The following COLEC11 variants were observed in gnomAD, a reference collection of about 807,000 sequenced individuals.
The protein encoded by COLEC11 is collectin subfamily member 11, also known as collectin-11.
COLEC11 carries 20 observed loss-of-function variants against 27.3 expected under a neutral mutation model. That is an observed-to-expected ratio of 0.73 (90% CI 0.51 to 1.06). The LOEUF is 1.06. COLEC11 is among the 50% of genes least tolerant of loss of function. The probability of loss-of-function intolerance (pLI) is 0.00; values close to 1 mark genes in which losing one functional copy is unlikely to be tolerated. For missense variants in COLEC11, 310 were observed against 383.0 expected, an observed-to-expected ratio of 0.81 and a Z score of 1.59; for synonymous variants, 163 against 154.7, an observed-to-expected ratio of 1.05 and a Z score of -0.40.
chr2:3,613,161 C>T (rs566235636), intron 2 of COLEC11, 150 bp from the exon 3 acceptor site: 1 of 794,152 alleles, frequency 1.3e-6, no homozygotes, highest in Non-Finnish European at 2.1e-6. Context: ...AGCGGCTGGG[C>T]TGCAGGCGGG....
At chr2:3,614,321 A>G (rs965302613) in intron 3 of COLEC11, among the ~76,000 whole-genome samples, 3 of 152,090 alleles carry the variant, frequency 2.0e-5, no homozygotes, top group South Asian at 2.1e-4. Context: ...CCCCCAACCA[A>G]TCTTTTAACA....
chr2:3,617,497 AGAAGGCAATGCTTGT>A lies in COLEC11; in HGVS notation c.202+4117_202+4131del, dbSNP rs1157478813. On this transcript the variant is annotated intron_variant, in intron 3 of 6. Transcript: ENST00000349077. ...CTAAACAGCTAAAAGAAGTAAAATAAGAAGGCAATGCTTGTGGAATATACAGTGCATATTGGCGGC... is the reference window on the plus strand; with the variant it reads ...CTAAACAGCTAAAAGAAGTAAAATAAGGAATATACAGTGCATATTGGCGGC... 5 of 1,432,968 alleles carry A rather than the reference AGAAGGCAATGCTTGT, an allele frequency of 3.5e-6. No individual in the cohort carries two copies. The African/African-American group carries it at 7.1e-5, about 20-fold the overall frequency. 88.8% of individuals were successfully genotyped at this position (1,432,968 alleles called of 1,614,324 possible).
chr2:3,631,005 G>A (rs1040070219), intron 3 of COLEC11, among the ~76,000 whole-genome samples: 1 of 152,156 alleles, frequency 6.6e-6, no homozygotes, highest in Non-Finnish European at 1.5e-5. Context: ...ACTTTGGGAG[G>A]CCGAGGTGGG....
chr2:3,606,193 TGTG>T (rs1662680683), intron 2 of COLEC11: 5 of 1,550,374 alleles, frequency 3.2e-6, no homozygotes, highest in African/African-American at 1.4e-5. Context: ...CCCTGCCCAA[TGTG>T]GTGGGTGCCT....
chr2:3,643,887 A>G lies in COLEC11; in HGVS notation c.585A>G (p.Gln195=). 6.2e-7 allele frequency: 1 copy of G among 1,613,832 alleles called. No homozygotes were observed. The highest frequency in any genetic ancestry group is 2.2e-5 in the East Asian group (1 of 44,868). The change falls in exon 7 of 7, where the codon CAA becomes CAG. Residue 195 remains glutamine, a synonymous_variant. Transcript: ENST00000349077. ...GCCTGATGGCCGCATACCTGGCGCA[A>G]GCCGGCCTGGCCCGTGTCTTCATCG... ...ANGLMAAYLA[Q]AGLARVFIGI... is the part of the protein sequence containing the mutation.
chr2:3,642,949 G>A (rs868105818), intron 5 of COLEC11, among the ~76,000 whole-genome samples: 1 of 152,162 alleles, frequency 6.6e-6, no homozygotes, highest in Middle Eastern at 3.2e-3. Flanking sequence ...AGGCACCTGA[G>A]TGTTGGCAGA....
intron 2 of COLEC11, among the ~76,000 whole-genome samples, chr2:3,607,044 T>C (rs1375915986): frequency 6.6e-6 from 1 of 152,188 alleles, no homozygotes; most frequent in African/African-American, 2.4e-5. Context: ...CGGGGTGGCA[T>C]CTGGTCTGAG....
At chr2:3,625,351 C>T (rs1664468540) in intron 3 of COLEC11, among the ~76,000 whole-genome samples, 1 of 152,152 alleles carries the variant, frequency 6.6e-6, no homozygotes, top group Non-Finnish European at 1.5e-5. Context: ...ATGTGCAGGA[C>T]AGCGACTGCT....
At chr2:3,625,896 G>A in intron 3 of COLEC11, 1 of 941,370 alleles carries the variant, frequency 1.1e-6, no homozygotes, top group Non-Finnish European at 1.7e-6. Flanking sequence ...GCCTCCCAAA[G>A]TGCCGGGATT....
intron 5 of COLEC11, chr2:3,641,510 A>T: frequency 9.5e-7 from 1 of 1,050,432 alleles, no homozygotes; most frequent in Non-Finnish European, 1.2e-6. Context: ...GCTTGGTCAG[A>T]GTTTGGAGGT....
chr2:3,641,893 A>G (rs557725729), intron 5 of COLEC11, among the ~76,000 whole-genome samples: 12 of 152,282 alleles, frequency 7.9e-5, no homozygotes, highest in Non-Finnish European at 1.6e-4. Context: ...CACCGCAGCG[A>G]TGGGGGTGGA....
chr2:3,621,759 T>C (rs535313369), intron 3 of COLEC11, among the ~76,000 whole-genome samples: 10 of 152,368 alleles, frequency 6.6e-5, no homozygotes, highest in South Asian at 2.1e-4. Flanking sequence ...TTTATAGTTA[T>C]AACAGTCTAT....
chr2:3,619,111 G>A (rs1663993141), intron 3 of COLEC11, among the ~76,000 whole-genome samples: 2 of 152,116 alleles, frequency 1.3e-5, no homozygotes, highest in African/African-American at 4.8e-5. Flanking sequence ...TCTGCAAACA[G>A]AGCCAGCTTT....
intron 2 of COLEC11, among the ~76,000 whole-genome samples, chr2:3,609,306 GTC>G (rs61145252): frequency 0.69 from 103,772 of 149,724 alleles, 36,477 homozygotes; most frequent in South Asian, 0.89. Context: ...GCTTTTCAGG[GTC>G]TCTTTCCGTG....
At chr2:3,607,810 A>G (rs1662850668) in intron 2 of COLEC11, among the ~76,000 whole-genome samples, 1 of 152,218 alleles carries the variant, frequency 6.6e-6, no homozygotes, top group Non-Finnish European at 1.5e-5. Context: ...TAAAACCAGT[A>G]ATGGGGCCTG....
chr2:3,639,391 G>A (rs572093932), intron 4 of COLEC11, among the ~76,000 whole-genome samples: 30 of 152,284 alleles, frequency 2.0e-4, no homozygotes, highest in African/African-American at 6.5e-4. Flanking sequence ...GATTTGCTTC[G>A]TGTCTGAGAT....
At chr2:3,640,073 C>T (rs983668719) in intron 4 of COLEC11, among the ~76,000 whole-genome samples, 1 of 152,196 alleles carries the variant, frequency 6.6e-6, no homozygotes, top group Non-Finnish European at 1.5e-5. Flanking sequence ...TAATCCCTGT[C>T]ACCCCATGAC....
intron 2 of COLEC11, chr2:3,606,385 G>GGT: frequency 1.4e-6 from 1 of 738,976 alleles, no homozygotes; most frequent in Non-Finnish European, 2.2e-6. Flanking sequence ...TTCCCACATG[G>GGT]GTAGGGTCCC....
intron 5 of COLEC11, 21 bp from the exon 6 acceptor site, chr2:3,643,423 G>T (rs201867777): frequency 1.2e-5 from 20 of 1,600,878 alleles, no homozygotes; most frequent in Non-Finnish European, 1.7e-6. Flanking sequence ...CGTTTGTAAC[G>T]CGTGGGCCTG....
Sources: allele counts gnomAD v4.1 joint callset (sites outside exome capture counted in the v4.1 genomes callset), GRCh38; gene constraint gnomAD v4.1.1; transcripts MANE v1.5; gene names NCBI Gene and HGNC (gene_info 2026-07-23, HGNC 2026-07-21).